The following SLC25A22 variants were observed in gnomAD, a reference collection of about 807,000 sequenced individuals.
SLC25A22 encodes solute carrier family 25 member 22, also known as mitochondrial glutamate carrier 1.
SLC25A22 carries 23 observed loss-of-function variants against 33.7 expected under a neutral mutation model. The observed-to-expected ratio is 0.68, with a 90% CI of 0.49 to 0.97. The LOEUF (loss-of-function observed/expected upper bound fraction) is 0.97, where lower values mean the gene tolerates loss of function less well. Ranked by LOEUF, SLC25A22 falls within the 50% of genes least tolerant of loss-of-function variation. The pLI is 0.00. For missense variants in SLC25A22, 390 were observed against 451.1 expected (o/e 0.86, Z 1.23); for synonymous variants, 245 against 203.8 (o/e 1.20, Z -1.72).
At chr11:797,950 T>C in intron 1 of SLC25A22, 2 of 398,308 alleles carry the variant, frequency 5.0e-6, no homozygotes, top group Non-Finnish European at 8.9e-6. Flanking sequence ...CGGCCTTTCT[T>C]CCTTGGGCTC....
Position 790,865 on chromosome 11 carries a change from G to A in SLC25A22, c.*1050C>T, listed in dbSNP as rs1460499572. 5 of 152,256 alleles carry A rather than the reference G, an allele frequency of 3.3e-5. No individual in the cohort carries two copies. Among genetic ancestry groups the A allele is most frequent in the South Asian group, 2.1e-4 (1 of 4,832 alleles). 9.4% of individuals were successfully genotyped at this position (152,256 alleles called of 1,614,324 possible). A position where few individuals can be genotyped will look rare whatever the true frequency, so the allele number is the denominator to read the frequency against. On this transcript the variant is annotated 3_prime_UTR_variant, in exon 10 of 10. Coordinates refer to ENST00000628067, the MANE Select transcript of SLC25A22 (RefSeq NM_001191061.2). ...CCTTATGCCCGGAGGCGGGAAGGAT[G>A]GGGCTTCTGCAGTGTACCCAGGGGC...
chr11:795,430 C>CACGCTCACGCTCGGGGCTT (rs1864770579), intron 1 of SLC25A22: 1 of 371,720 alleles, frequency 2.7e-6, no homozygotes, highest in Admixed American at 3.8e-5. Context: ...GCTCGGGGCT[C>CACGCTCACGCTCGGGGCTT]ACGTGCACCC....
At chr11:797,445 C>T (rs1864886763) in intron 1 of SLC25A22, 3 of 396,754 alleles carry the variant, frequency 7.6e-6, no homozygotes, top group Non-Finnish European at 1.3e-5. Flanking sequence ...AGCCGGGCCC[C>T]GGGCTGTGAG....
chr11:796,309 G>A (rs969017069), intron 1 of SLC25A22: 10 of 151,798 alleles, frequency 6.6e-5, no homozygotes, highest in South Asian at 2.1e-4. Flanking sequence ...GGGGTGGGGC[G>A]GGCTTGGGTG....
At position 797,307 on chromosome 11, in the gene SLC25A22, G is replaced by A. The variant is rs1864876353; in HGVS notation, c.-164+910C>T. Among the ~76,000 whole-genome samples, 4 of 152,310 alleles carry A rather than the reference G, an allele frequency of 2.6e-5. No homozygotes were observed. In the South Asian group the frequency reaches 8.3e-4, roughly 32 times the overall value. ...GGCTCTGCCTGGGGAAGAACCGGCA[G>A]GGGTTCCCTCTGAACGCCAACCCCG... On this transcript the variant is annotated intron_variant, in intron 1 of 9. Coordinates refer to ENST00000628067, the MANE Select transcript of SLC25A22 (RefSeq NM_001191061.2).
intron 5 of SLC25A22, 62 bp downstream of exon 5, chr11:793,467 G>A: frequency 2.0e-6 from 3 of 1,535,294 alleles, no homozygotes; most frequent in Non-Finnish European, 2.7e-6. Context: ...AGCTGGCAGG[G>A]TGGACCCATC....
At chr11:797,604 C>T (rs949516824) in intron 1 of SLC25A22, 3 of 398,524 alleles carry the variant, frequency 7.5e-6, no homozygotes, top group South Asian at 1.3e-4. Context: ...CCGCCAGGCT[C>T]CTCCTACCCC....
In SLC25A22 at chr11:792,145, G is replaced by T; in HGVS notation, c.815C>A (p.Ala272Asp). ...ACCCGCCGTGGGACCTCCCCACCTG[G>T]CACAGTCCAGGATCCCAGAGTAGGT... Reference protein sequence around the residue: ...EDTYSGILDCARKILRHEGPS... With the variant: ...EDTYSGILDCDRKILRHEGPS... The change falls in exon 9 of 10, where the codon GCC becomes GAC. Residue 272 changes from alanine (A) to aspartate (D), a missense_variant. Ala to Asp is a moderately radical substitution (Grantham distance 126, BLOSUM62 -2). Coordinates refer to ENST00000628067, the MANE Select transcript of SLC25A22 (RefSeq NM_001191061.2). 6.2e-7 allele frequency: 1 copy of T among 1,612,280 alleles called. No individual in the cohort carries two copies. Among genetic ancestry groups the T allele is most frequent in the Non-Finnish European group, 8.5e-7 (1 of 1,179,640 alleles).
chr11:794,613 G>T (rs771530421), intron 3 of SLC25A22, 100 bp from the exon 4 acceptor site: 61 of 1,535,302 alleles, frequency 4.0e-5, no homozygotes, highest in Non-Finnish European at 5.2e-5. Context: ...CAAGTCCTCA[G>T]CCCAGCCCCG....
intron 1 of SLC25A22, chr11:795,470 C>G: frequency 2.8e-6 from 1 of 352,324 alleles, no homozygotes; most frequent in Non-Finnish European, 5.6e-6. Flanking sequence ...AAGGGCCAGG[C>G]ACCTCTGGGG....
intron 1 of SLC25A22, among the ~76,000 whole-genome samples, chr11:797,296 A>T (rs1275363902): frequency 6.6e-6 from 1 of 152,118 alleles, no homozygotes; most frequent in Non-Finnish European, 1.5e-5. Flanking sequence ...CTGCCTGGGG[A>T]AGAACCGGCA....
At chr11:795,308 G>C (rs1372652267) in intron 1 of SLC25A22, 139 bp from the exon 2 acceptor site, 8 of 557,092 alleles carry the variant, frequency 1.4e-5, no homozygotes, top group Non-Finnish European at 2.6e-5. Flanking sequence ...GTGCAGCAGC[G>C]GGAGGCACCT....
At chr11:795,435 G>T (rs1270741487) in intron 1 of SLC25A22, 2 of 319,450 alleles carry the variant, frequency 6.3e-6, no homozygotes, top group East Asian at 7.2e-5. Flanking sequence ...GGGCTCACGT[G>T]CACCCCAGCC....
chr11:797,431 C>T, intron 1 of SLC25A22: 2 of 395,960 alleles, frequency 5.1e-6, no homozygotes, highest in Non-Finnish European at 8.9e-6. Flanking sequence ...AACCCTGCAG[C>T]CCCAGCCGGG....
chr11:793,339 C>T (rs1183369263), intron 5 of SLC25A22, 190 bp downstream of exon 5: 17 of 647,550 alleles, frequency 2.6e-5, no homozygotes, highest in Non-Finnish European at 4.1e-5. Flanking sequence ...GCCAGAGCCC[C>T]ACTGATTTGA....
chr11:794,411 C>G (rs767970660), intron 4 of SLC25A22, 47 bp downstream of exon 4: 4 of 1,599,464 alleles, frequency 2.5e-6, no homozygotes, highest in Middle Eastern at 1.7e-4. Flanking sequence ...GACTCGCGGG[C>G]GCTACCCAGG....
chr11:794,802 C>G lies in SLC25A22; in HGVS notation c.120G>C (p.Gln40His). The G allele has an allele frequency of 2.5e-6, 4 of 1,597,678 alleles. No individual in the cohort carries two copies. Among genetic ancestry groups the G allele is most frequent in the Non-Finnish European group, 3.4e-6 (4 of 1,173,476 alleles). ...DLAKTRLQNQ[Q>H]NGQRVYTSMS... The stretch of plus-strand genomic sequence containing the variant: ...TGCTCGTGTACACGCGCTGGCCGTT[C>G]TGCTGGTTCTGCAGCCTGGTCTTGG... The change falls in exon 3 of 10, where the codon CAG (glutamine) becomes CAC (histidine). Residue 40 changes from glutamine to histidine, a missense_variant. Coordinates refer to ENST00000628067, the MANE Select transcript of SLC25A22 (RefSeq NM_001191061.2).
Position 792,186 on chromosome 11 carries a change from T to A in SLC25A22, c.774A>T (p.Arg258=). The A allele has an allele frequency of 6.2e-7, 1 of 1,612,856 alleles. No individual in the cohort carries two copies. The highest frequency in any genetic ancestry group is 8.5e-7 in the Non-Finnish European group (1 of 1,179,888). Reference sequence around the variant, plus strand: ...CAGAGTAGGTGTCCTCGTTGACGCCTCGCTGAAGTGACTGGAGCCGCGTCT... The same window carrying A: ...CAGAGTAGGTGTCCTCGTTGACGCCACGCTGAAGTGACTGGAGCCGCGTCT... The part of the protein sequence containing the change: ...VVKTRLQSLQ[R]GVNEDTYSGI... Residue 258 remains arginine, a synonymous_variant, in exon 9 of 10, where the codon CGA becomes CGT. Transcript: ENST00000628067.
rs1327139104 is a variant in SLC25A22, at chr11:793,605, A to G, written c.217T>C (p.Leu73=). ...GCCTTCTCGGGGGTGACGAGGGTCAAGTTCACAGCAGCTCCTGTGGGGCAG... is the reference window on the plus strand; with the variant it reads ...GCCTTCTCGGGGGTGACGAGGGTCAGGTTCACAGCAGCTCCTGTGGGGCAG... ...FGMYRGAAVN[L]TLVTPEKAIK... is the part of the protein sequence containing the mutation. The change falls in exon 5 of 10, where the codon TTG becomes CTG. Residue 73 remains leucine, a synonymous_variant. Coordinates refer to ENST00000628067, the MANE Select transcript of SLC25A22 (RefSeq NM_001191061.2). The G allele has an allele frequency of 1.2e-6, 2 of 1,609,270 alleles. No homozygotes were observed. The highest frequency in any genetic ancestry group is 2.7e-5 in the African/African-American group (2 of 74,808).
Sources: gnomAD v4.1 joint callset for allele counts (sites outside exome capture counted in the v4.1 genomes callset) on GRCh38, gnomAD v4.1.1 for gene constraint, MANE v1.5 for transcripts, NCBI Gene and HGNC (gene_info 2026-07-23, HGNC 2026-07-21) for gene names.